ADGRB3: variants seen among roughly 807,000 people sequenced by gnomAD.
The protein encoded by ADGRB3 is brain-specific angiogenesis inhibitor 3.
ADGRB3 carries 37 observed loss-of-function variants against 193.4 expected under a neutral mutation model. That is an observed-to-expected ratio of 0.19 (90% CI 0.15 to 0.25). The LOEUF (loss-of-function observed/expected upper bound fraction) is 0.25. Among genes scored for constraint, ADGRB3 ranks in the 10% least tolerant of loss-of-function variants. The pLI is 1.00. For missense variants in ADGRB3, 1,637 were observed against 1,852.9 expected, an observed-to-expected ratio of 0.88 and a Z score of 2.14; for synonymous variants, 690 against 644.2, an observed-to-expected ratio of 1.07 and a Z score of -1.08.
intron 11 of ADGRB3, among the ~76,000 whole-genome samples, chr6:69,002,966 A>G (rs991306002): frequency 1.3e-5 from 2 of 152,170 alleles, no homozygotes; most frequent in Admixed American, 1.3e-4. Flanking sequence ...GAGTAAGAGT[A>G]CTTGCTCTGA....
chr6:69,112,853 G>A (rs1285199936), intron 17 of ADGRB3, among the ~76,000 whole-genome samples: 1 of 152,046 alleles, frequency 6.6e-6, no homozygotes, highest in Non-Finnish European at 1.5e-5. Flanking sequence ...CGCCTCCAAG[G>A]TTAAAGCGAT....
At chr6:68,738,910 G>T (rs1045329238) in intron 3 of ADGRB3, among the ~76,000 whole-genome samples, 6 of 152,256 alleles carry the variant, frequency 3.9e-5, no homozygotes, top group African/African-American at 1.4e-4. Context: ...AGGGGTCTGA[G>T]GATTATGATC....
intron 3 of ADGRB3, among the ~76,000 whole-genome samples, chr6:68,878,930 C>T (rs1028113104): frequency 3.3e-5 from 5 of 152,030 alleles, no homozygotes; most frequent in South Asian, 2.1e-4. Flanking sequence ...CATCATATCT[C>T]GTGAGACTTA....
At chr6:68,880,520 G>C (rs774062049) in intron 3 of ADGRB3, among the ~76,000 whole-genome samples, 8 of 152,078 alleles carry the variant, frequency 5.3e-5, no homozygotes, top group Non-Finnish European at 1.0e-4. Flanking sequence ...ATTCCATCTA[G>C]CAACACTCCT....
chr6:68,860,845 T>C (rs1232196162), intron 3 of ADGRB3, among the ~76,000 whole-genome samples: 1 of 151,104 alleles, frequency 6.6e-6, no homozygotes, highest in Non-Finnish European at 1.5e-5. Context: ...TGTACTGATA[T>C]ATAGCAAAAG....
rs116662281 is a variant in ADGRB3, at chr6:68,952,314, T to C, written c.1196-3710T>C. On this transcript the variant is annotated intron_variant, in intron 6 of 31. Transcript: ENST00000370598. ...ATGTCTCATATTTGACACTAAAAAT[T>C]ATATATATACATAAAATGTCTGTTG... Among the ~76,000 whole-genome samples the C allele has an allele frequency of 7.5e-3, 1,145 of 152,206 alleles. 12 individuals are homozygous for C. The highest frequency in any genetic ancestry group is 0.022 in the African/African-American group (896 of 41,564).
At chr6:69,088,386 G>A (rs528801718) in intron 17 of ADGRB3, among the ~76,000 whole-genome samples, 30 of 151,876 alleles carry the variant, frequency 2.0e-4, no homozygotes, top group Non-Finnish European at 3.8e-4. Context: ...TGTTGTTTTT[G>A]TTTTGAGATG....
At chr6:68,684,931 A>G (rs1434765881) in intron 3 of ADGRB3, among the ~76,000 whole-genome samples, 1 of 152,108 alleles carries the variant, frequency 6.6e-6, no homozygotes, top group East Asian at 1.9e-4. Context: ...ACTCAAAGAA[A>G]AAGGAGAGTA....
rs138239367 is a variant in ADGRB3 at position 68,901,565 on chromosome 6, T to G, written c.758-28994T>G. On this transcript the variant is annotated intron_variant, in intron 3 of 31. Coordinates refer to ENST00000370598, the MANE Select transcript of ADGRB3 (RefSeq NM_001704.3). The stretch of plus-strand genomic sequence containing the variant: ...TGGGAACCATCTTAGACACTGTTTA[T>G]TTGCTACACTAAGTAAATTTTAACA... Among the ~76,000 whole-genome samples, 244 of 152,336 alleles carry G rather than the reference T, an allele frequency of 1.6e-3. 1 individual carries two copies. The highest frequency in any genetic ancestry group is 2.5e-3 in the Non-Finnish European group (170 of 68,028).
intron 15 of ADGRB3, among the ~76,000 whole-genome samples, chr6:69,057,983 A>C (rs932401267): frequency 6.6e-6 from 1 of 151,740 alleles, no homozygotes; most frequent in Non-Finnish European, 1.5e-5. Flanking sequence ...CTCTGCTTTA[A>C]TTTTTTGGAA....
intron 30 of ADGRB3, among the ~76,000 whole-genome samples, chr6:69,377,210 G>C (rs997850139): frequency 9.9e-5 from 15 of 152,056 alleles, no homozygotes; most frequent in African/African-American, 2.9e-4. Flanking sequence ...AGGAATACAG[G>C]GCTCAGAAAA....
rs1562133338 is a variant in ADGRB3 at position 69,040,392 on chromosome 6, T to TTTCTTTCCTTCC, written c.2108-7790_2108-7789insTTTCCTTCCTTC. Among the ~76,000 whole-genome samples the TTTCTTTCCTTCC allele has an allele frequency of 4.1e-5, 6 of 147,308 alleles. No homozygotes were observed. In the East Asian group the frequency reaches 8.1e-4, roughly 20 times the overall value. On this transcript the variant is annotated intron_variant, in intron 13 of 31. Transcript: ENST00000370598. The stretch of plus-strand genomic sequence containing the variant: ...TTCTTTCTTTCCTTCTCTCTCTTTC[T>TTTCTTTCCTTCC]TTCCTTCACGCAGGTGACTCCATTT...
chr6:68,743,295 A>G (rs977671369), intron 3 of ADGRB3, among the ~76,000 whole-genome samples: 3 of 151,086 alleles, frequency 2.0e-5, no homozygotes, highest in African/African-American at 4.9e-5. Flanking sequence ...CTCACCTTCA[A>G]TATATCTTCT....
chr6:68,817,576 T>C (rs1767662096), intron 3 of ADGRB3, among the ~76,000 whole-genome samples: 2 of 151,680 alleles, frequency 1.3e-5, no homozygotes, highest in Admixed American at 6.6e-5. Context: ...CACTCATGCA[T>C]AGAACATATC....
At chr6:69,169,435 CAAT>C (rs974777985) in intron 17 of ADGRB3, among the ~76,000 whole-genome samples, 2 of 150,920 alleles carry the variant, frequency 1.3e-5, no homozygotes, top group African/African-American at 4.9e-5. Flanking sequence ...ACTATAGTTA[CAAT>C]GAGTAACTAA....
intron 17 of ADGRB3, among the ~76,000 whole-genome samples, chr6:69,160,616 A>G (rs1226519895): frequency 1.3e-5 from 2 of 152,002 alleles, no homozygotes; most frequent in African/African-American, 2.4e-5. Flanking sequence ...GTATTTTTCA[A>G]TTATTTCTTT....
At chr6:69,354,178 A>G (rs1462097824) in intron 26 of ADGRB3, 55 bp from the exon 27 acceptor site, 2 of 1,256,664 alleles carry the variant, frequency 1.6e-6, no homozygotes, top group Non-Finnish European at 2.3e-6. Context: ...CAAGATAGAC[A>G]GTATCTTGTC....
chr6:68,822,631 C>T (rs775839231), intron 3 of ADGRB3, among the ~76,000 whole-genome samples: 2 of 151,878 alleles, frequency 1.3e-5, no homozygotes, highest in Non-Finnish European at 2.9e-5. Context: ...ATTTGAATCA[C>T]CAAATCTCAC....
At chr6:68,737,103 T>C (rs567639561) in intron 3 of ADGRB3, among the ~76,000 whole-genome samples, 1 of 152,284 alleles carries the variant, frequency 6.6e-6, no homozygotes, top group African/African-American at 2.4e-5. Context: ...TCCAGTATTA[T>C]AAAAATGTTA....
Sources: allele counts gnomAD v4.1 joint callset (sites outside exome capture counted in the v4.1 genomes callset), GRCh38; gene constraint gnomAD v4.1.1; transcripts MANE v1.5; gene names NCBI Gene and HGNC (gene_info 2026-07-23, HGNC 2026-07-21).